Variants in PHIP observed in about 807,000 individuals in gnomAD.
PHIP encodes the protein PHIP subunit of CUL4-Ring ligase complex.
Under a neutral mutation model 236.8 loss-of-function variants are expected in PHIP, and 54 were observed. That is an observed-to-expected ratio of 0.23 (90% CI 0.18 to 0.29). PHIP has a LOEUF of 0.29. Ranked by LOEUF, PHIP falls within the 10% of genes least tolerant of loss-of-function variation. The pLI is 1.00. For synonymous variants in PHIP, 756 were observed against 718.9 expected, an observed-to-expected ratio of 1.05 and a Z score of -0.83; for missense variants, 1,370 against 2,190.8, an observed-to-expected ratio of 0.63 and a Z score of 7.48.
chr6:79,039,302 T>C (rs566633300), intron 7 of PHIP, among the ~76,000 whole-genome samples: 1 of 152,320 alleles, frequency 6.6e-6, no homozygotes, highest in South Asian at 2.1e-4. Context: ...TATCCATTAA[T>C]ACACAATTGC....
At position 78,990,944 on chromosome 6, in the gene PHIP, A is replaced by G. The variant is rs781393998; in HGVS notation, c.2243T>C (p.Ile748Thr). 1 of 1,611,712 alleles carries G rather than the reference A, an allele frequency of 6.2e-7. No individual in the cohort carries two copies. Among genetic ancestry groups the G allele is most frequent in the Non-Finnish European group, 8.5e-7 (1 of 1,178,392 alleles). Residue 748 changes from isoleucine (I) to threonine (T), a missense_variant, in exon 20 of 40, where the codon ATA becomes ACA. Coordinates refer to ENST00000275034, the MANE Select transcript of PHIP (RefSeq NM_017934.7). The stretch of plus-strand genomic sequence containing the variant: ...TTTCTCTTCTGACCTGTAAGTCTTT[A>G]TTTCTTCTTCTCCCTTTGCAGTTCT... ...EWRTAKGEEE[I>T]KTYRSEEKRK...
intron 15 of PHIP, among the ~76,000 whole-genome samples, chr6:79,010,394 T>G (rs1184990447): frequency 6.7e-6 from 1 of 150,266 alleles, no homozygotes; most frequent in African/African-American, 2.4e-5. Context: ...CACTGGAACT[T>G]TTTTTTTTTA....
At chr6:78,958,678 C>A (rs1766580758) in intron 31 of PHIP, 78 bp from the exon 32 acceptor site, 1 of 884,338 alleles carries the variant, frequency 1.1e-6, no homozygotes, top group Non-Finnish European at 1.8e-6. Flanking sequence ...CCAAGACATT[C>A]CAACTTTTCA....
In PHIP at chr6:78,960,507, G is replaced by A. The variant is rs141305595; in HGVS notation, c.3656+1183C>T. 3.2e-3 allele frequency among the ~76,000 whole-genome samples: 477 copies of A among 149,076 alleles called. 3 individuals are homozygous for A. Among genetic ancestry groups the A allele is most frequent in the African/African-American group, 0.011 (451 of 40,484 alleles). On this transcript the variant is annotated intron_variant, in intron 31 of 39. Transcript: ENST00000275034. Reference sequence around the variant, plus strand: ...CACCTGATATTGAAAAAGACTTGAAGAATGCTTTGAGGGTGGGATGGTTGG... The same window carrying A: ...CACCTGATATTGAAAAAGACTTGAAAAATGCTTTGAGGGTGGGATGGTTGG...
intron 38 of PHIP, 132 bp from the exon 39 acceptor site, chr6:78,945,629 C>T (rs939883362): frequency 1.4e-5 from 9 of 661,300 alleles, no homozygotes; most frequent in Admixed American, 1.2e-4. Flanking sequence ...CTTAGGAAAG[C>T]TACTTTCTAA....
At chr6:78,987,185 GT>G (rs1353686274) in intron 21 of PHIP, among the ~76,000 whole-genome samples, 3 of 151,950 alleles carry the variant, frequency 2.0e-5, no homozygotes, top group Non-Finnish European at 4.4e-5. Flanking sequence ...CAGTTCTTAA[GT>G]TTCTAATAAA....
Position 78,965,713 on chromosome 6 carries a change from T to G in PHIP, c.3369A>C (p.Ile1123=). Residue 1123 remains isoleucine, a synonymous_variant, in exon 29 of 40, where the codon ATA becomes ATC. Coordinates refer to ENST00000275034, the MANE Select transcript of PHIP (RefSeq NM_017934.7). ...CTAACACACACTTACCATTATTAGG[T>G]ATAAGCTCCATATCCCAAGGACTCA... is the stretch of plus-strand genomic sequence containing the variant. ...EKMSPWDMEL[I]PNNAVFPEEL... 1 of 1,551,194 alleles carries G rather than the reference T, an allele frequency of 6.4e-7. No individual in the cohort carries two copies. Among genetic ancestry groups the G allele is most frequent in the Non-Finnish European group, 8.9e-7 (1 of 1,126,690 alleles).
At chr6:79,039,541 C>T (rs745714284) in intron 7 of PHIP, among the ~76,000 whole-genome samples, 12 of 152,148 alleles carry the variant, frequency 7.9e-5, no homozygotes, top group Non-Finnish European at 1.3e-4. Flanking sequence ...TCTGTGAACT[C>T]TCCAAGAACA....
intron 4 of PHIP, chr6:79,067,582 A>G (rs1773685028): frequency 6.6e-6 from 1 of 152,230 alleles, no homozygotes; most frequent in Non-Finnish European, 1.5e-5. Flanking sequence ...ATTTTTTAAA[A>G]ACAATTCTTT....
chr6:78,979,699 T>G (rs1273625388), intron 23 of PHIP, among the ~76,000 whole-genome samples: 1 of 152,058 alleles, frequency 6.6e-6, no homozygotes, highest in Non-Finnish European at 1.5e-5. Flanking sequence ...GTAAAAAAAG[T>G]TATGCAATTG....
At chr6:79,046,358 A>G (rs1372421738) in intron 6 of PHIP, among the ~76,000 whole-genome samples, 1 of 152,200 alleles carries the variant, frequency 6.6e-6, no homozygotes, top group Admixed American at 6.6e-5. Flanking sequence ...AGCCCCTGCC[A>G]TCACCCATAA....
At chr6:78,960,698 C>T (rs1766715597) in intron 31 of PHIP, among the ~76,000 whole-genome samples, 1 of 152,032 alleles carries the variant, frequency 6.6e-6, no homozygotes, top group African/African-American at 2.4e-5. Context: ...CAATTATGCT[C>T]CCCAGAAGAC....
At chr6:79,077,775 C>T (rs866266824) in intron 2 of PHIP, 46 bp from the exon 3 acceptor site, 12 of 978,618 alleles carry the variant, frequency 1.2e-5, no homozygotes, top group African/African-American at 1.8e-5. Flanking sequence ...CCCCGGGCCG[C>T]GGCCCCGCCG....
intron 25 of PHIP, 79 bp downstream of exon 25, chr6:78,970,702 A>G: frequency 1.1e-6 from 1 of 884,020 alleles, no homozygotes; most frequent in Admixed American, 2.5e-5. Flanking sequence ...TATTGTGTTA[A>G]TAGTAACCTT....
chr6:79,011,967 A>G (rs1048997923), intron 15 of PHIP, among the ~76,000 whole-genome samples: 24 of 151,544 alleles, frequency 1.6e-4, no homozygotes, highest in African/African-American at 5.6e-4. Context: ...TTATAATCTT[A>G]TATTTAAAAA....
intron 6 of PHIP, among the ~76,000 whole-genome samples, chr6:79,051,201 A>G (rs943038932): frequency 6.6e-6 from 1 of 152,192 alleles, no homozygotes; most frequent in Non-Finnish European, 1.5e-5. Flanking sequence ...GTTTACTCCT[A>G]CAGTACCATC....
intron 7 of PHIP, among the ~76,000 whole-genome samples, chr6:79,030,165 A>C (rs1771600503): frequency 6.6e-6 from 1 of 152,192 alleles, no homozygotes; most frequent in African/African-American, 2.4e-5. Context: ...ACAAAATCTG[A>C]GGATTAAAAG....
intron 6 of PHIP, among the ~76,000 whole-genome samples, chr6:79,057,844 G>T (rs576659159): frequency 6.6e-6 from 1 of 151,868 alleles, no homozygotes; most frequent in African/African-American, 2.4e-5. Context: ...AACTATTCTG[G>T]CAAGAAGACT....
At chr6:78,982,079 A>T (rs771685909) in intron 23 of PHIP, among the ~76,000 whole-genome samples, 7 of 151,976 alleles carry the variant, frequency 4.6e-5, no homozygotes, top group Admixed American at 2.0e-4. Context: ...ACAAACGACA[A>T]TTTATACTTA....
Sources: allele counts gnomAD v4.1 joint callset (sites outside exome capture counted in the v4.1 genomes callset), GRCh38; gene constraint gnomAD v4.1.1; transcripts MANE v1.5; gene names NCBI Gene and HGNC (gene_info 2026-07-23, HGNC 2026-07-21).